The following FAM131C variants were observed in gnomAD, a reference collection of about 807,000 sequenced individuals.
The protein encoded by FAM131C is protein FAM131C.
In FAM131C, 14 loss-of-function variants were observed where a neutral mutation model predicts 29.8. That is an observed-to-expected ratio of 0.47 (90% CI 0.31 to 0.73). FAM131C has a LOEUF of 0.73. FAM131C is among the 30% of genes least tolerant of loss of function. The pLI, the probability that FAM131C is intolerant of heterozygous loss-of-function variation, is 0.05. For synonymous variants in FAM131C, 86 were observed against 157.8 expected (o/e 0.54, Z 3.41); for missense variants, 252 against 383.8 (o/e 0.66, Z 2.87).
chr1:16,071,959 C>T (rs2124137735), intron 1 of FAM131C, among the ~76,000 whole-genome samples: 1 of 152,314 alleles, frequency 6.6e-6, no homozygotes, highest in Admixed American at 6.5e-5. Context: ...ACTCAGATCC[C>T]CTCCACCTGG....
chr1:16,073,411 G>GC lies in FAM131C; in HGVS notation c.22+9dup. On this transcript the variant is annotated intron_variant, in intron 1 of 6. Coordinates refer to ENST00000375662, the MANE Select transcript of FAM131C (RefSeq NM_182623.3). ...ACCCGATCCCCCCGCCCCCGGCCGG[G>GC]CCCCCTCACCTCGCGACACGCAGGA... 8.3e-7 allele frequency: 1 copy of GC among 1,210,200 alleles called. No individual in the cohort carries two copies. 75.0% of individuals were successfully genotyped at this position (1,210,200 alleles called of 1,614,324 possible).
At position 16,062,191 on chromosome 1, in the gene FAM131C, C is replaced by T; in HGVS notation, c.176G>A (p.Arg59Lys). 6.2e-7 allele frequency: 1 copy of T among 1,610,330 alleles called. No homozygotes were observed. The highest frequency in any genetic ancestry group is 8.5e-7 in the Non-Finnish European group (1 of 1,178,812). ...GTAGCCGTTGGTGGTCTGGAAGCAC[C>T]TCTGGAGGAAGTGGCAGGAGGAGTG... ...QMDFCWDPWQ[R>K]CFQTTNGYLS... The change falls in exon 4 of 7, where the codon AGG (arginine) becomes AAG (lysine). Residue 59 changes from arginine (R) to lysine (K), a missense_variant and splice_region_variant. Arg to Lys is a conservative substitution (Grantham distance 26, BLOSUM62 2). Around this residue, in one of 6 missense-constraint regions of FAM131C, gnomAD observed 52 missense variants for 105.9 expected, o/e 0.49. Coordinates refer to ENST00000375662, the MANE Select transcript of FAM131C (RefSeq NM_182623.3).
At chr1:16,073,294 G>T (rs986205088) in intron 1 of FAM131C, 127 bp downstream of exon 1, 18 of 449,282 alleles carry the variant, frequency 4.0e-5, no homozygotes, top group Non-Finnish European at 5.6e-5. Flanking sequence ...AGGACGCCGC[G>T]TCCCCAGGGG....
At chr1:16,061,214 G>A (rs1190302700) in intron 4 of FAM131C, among the ~76,000 whole-genome samples, 1 of 152,194 alleles carries the variant, frequency 6.6e-6, no homozygotes, top group Admixed American at 6.5e-5. Context: ...AAGTTGGGGA[G>A]TGTTGGCAAT....
At chr1:16,067,661 C>T (rs2023698088) in intron 1 of FAM131C, among the ~76,000 whole-genome samples, 4 of 152,150 alleles carry the variant, frequency 2.6e-5, no homozygotes. Context: ...AGGGTGCTTC[C>T]TGCCTTCCTA....
intron 1 of FAM131C, among the ~76,000 whole-genome samples, chr1:16,071,300 T>C (rs2023746702): frequency 6.6e-6 from 1 of 152,200 alleles, no homozygotes; most frequent in Admixed American, 6.5e-5. Context: ...CAGCATGCCA[T>C]GGTTTAAATC....
chr1:16,063,412 G>T, intron 2 of FAM131C, 109 bp downstream of exon 2: 1 of 840,656 alleles, frequency 1.2e-6, no homozygotes. Context: ...AGGGAGAAGC[G>T]GGTTTGGCAG....
chr1:16,070,615 G>C (rs1029373883), intron 1 of FAM131C, among the ~76,000 whole-genome samples: 12 of 152,178 alleles, frequency 7.9e-5, no homozygotes, highest in Non-Finnish European at 1.8e-4. Context: ...AACATAGTGA[G>C]AGCCTGTCTC....
At chr1:16,059,459 G>A (rs1557477074) in intron 6 of FAM131C, 35 bp downstream of exon 6, 4 of 1,596,348 alleles carry the variant, frequency 2.5e-6, no homozygotes, top group Non-Finnish European at 3.4e-6. Context: ...GCTCCACTCT[G>A]CCCACCCCCG....
intron 1 of FAM131C, among the ~76,000 whole-genome samples, chr1:16,073,012 G>T (rs1302204792): frequency 1.3e-5 from 2 of 150,202 alleles, no homozygotes; most frequent in African/African-American, 4.9e-5. Context: ...GGGTGAGCTG[G>T]TAAGACCTGT....
At position 16,062,170 on chromosome 1, in the gene FAM131C, C is replaced by A; in HGVS notation, c.197G>T (p.Gly66Val). Residue 66 changes from glycine (G) to valine (V), a missense_variant, in exon 4 of 7, where the codon GGC becomes GTC. Around this residue, in one of 6 missense-constraint regions of FAM131C, gnomAD observed 52 missense variants for 105.9 expected, o/e 0.49. Transcript: ENST00000375662. ...PWQRCFQTTN[G>V]YLSDSRSRPG... Reference sequence around the variant, plus strand: ...GCGGGATCTGGAGTCGGACAGGTAGCCGTTGGTGGTCTGGAAGCACCTCTG... The same window carrying A: ...GCGGGATCTGGAGTCGGACAGGTAGACGTTGGTGGTCTGGAAGCACCTCTG... 6.2e-7 allele frequency: 1 copy of A among 1,611,720 alleles called. No homozygotes were observed. The highest frequency in any genetic ancestry group is 1.1e-5 in the South Asian group (1 of 90,920).
Position 16,058,026 on chromosome 1 carries a change from AG to A in FAM131C, c.*410del, listed in dbSNP as rs2023511044. On this transcript the variant is annotated 3_prime_UTR_variant, in exon 7 of 7. Coordinates refer to ENST00000375662, the MANE Select transcript of FAM131C (RefSeq NM_182623.3). The stretch of plus-strand genomic sequence containing the variant: ...GGGCAGACACAAGGAGGGAGTTGGG[AG>A]GGACTGAACCCCAGGTACAGGCAGG... 1 of 166,346 alleles carries A rather than the reference AG, an allele frequency of 6.0e-6. No individual in the cohort carries two copies. Among genetic ancestry groups the A allele is most frequent in the Admixed American group, 6.0e-5 (1 of 16,746 alleles). 10.3% of individuals were successfully genotyped at this position (166,346 alleles called of 1,614,324 possible).
In FAM131C at chr1:16,059,942, C is replaced by T; in HGVS notation, c.378G>A (p.Trp126Ter). 6.2e-7 allele frequency: 1 copy of T among 1,607,822 alleles called. No individual in the cohort carries two copies. Among genetic ancestry groups the T allele is most frequent in the South Asian group, 1.1e-5 (1 of 90,318 alleles). ...GCTCGTCCTCAGCTGGGGACAGCTC[C>T]CAGCCTGCCGGCTGGGCACTCCAGC... ...WKGWSAQPAGWELSPAEDEHY... is the reference protein window; with the variant it reads ...WKGWSAQPAG Residue 126 changes from tryptophan (W) to a stop codon, truncating the protein, a stop_gained, in exon 5 of 7, where the codon TGG becomes TGA. Transcript: ENST00000375662. LOFTEE classifies it high-confidence loss of function.
chr1:16,057,924 G>A lies in FAM131C; in HGVS notation c.*513C>T. On this transcript the variant is annotated 3_prime_UTR_variant, in exon 7 of 7. Coordinates refer to ENST00000375662, the MANE Select transcript of FAM131C (RefSeq NM_182623.3). ...GGGACAGACAGACAGACACTCCAGA[G>A]AGACAGATGTCCTGGGTGAAGAGAG... 1 of 158,194 alleles carries A rather than the reference G, an allele frequency of 6.3e-6. No individual in the cohort carries two copies. Among genetic ancestry groups the A allele is most frequent in the Non-Finnish European group, 1.4e-5 (1 of 71,666 alleles). The allele number at this position is 158,194 out of a possible 1,614,324, so 9.8% of individuals were successfully genotyped here. A position where few individuals can be genotyped will look rare whatever the true frequency, so the allele number is the denominator to read the frequency against.
At chr1:16,070,184 C>G (rs937471810) in intron 1 of FAM131C, among the ~76,000 whole-genome samples, 2 of 152,176 alleles carry the variant, frequency 1.3e-5, no homozygotes, top group African/African-American at 4.8e-5. Context: ...GGAAGACCCT[C>G]CCGTTCTCTG....
chr1:16,065,766 C>T (rs1344450334), intron 1 of FAM131C, among the ~76,000 whole-genome samples: 1 of 152,238 alleles, frequency 6.6e-6, no homozygotes, highest in African/African-American at 2.4e-5. Context: ...TGGCCTCCTC[C>T]ATCCTCCTCT....
At chr1:16,067,786 T>C (rs1456637701) in intron 1 of FAM131C, among the ~76,000 whole-genome samples, 1 of 152,128 alleles carries the variant, frequency 6.6e-6, no homozygotes, top group East Asian at 1.9e-4. Context: ...CTCTACTTGA[T>C]CCTTGGGTGA....
Position 16,059,519 on chromosome 1 carries a change from G to C in FAM131C, c.537C>G (p.Ser179Arg). The part of the protein sequence containing the change: ...LDEEELHPEN[S>R]PQGIVQLQDL... ...CTTGGAGCTGGACGATGCCTTGGGG[G>C]CTGTTCTCGGGGTGCAGCTCCTCTT... is the stretch of plus-strand genomic sequence containing the variant. Residue 179 changes from serine (S) to arginine (R), a missense_variant, in exon 6 of 7, where the codon AGC (serine) becomes AGG (arginine). By Grantham distance (110) the Ser-to-Arg change is moderately radical (BLOSUM62 -1). This residue lies in a region of FAM131C where 33 missense variants were observed against 54.0 expected (regional missense o/e 0.61). Coordinates refer to ENST00000375662, the MANE Select transcript of FAM131C (RefSeq NM_182623.3). The C allele has an allele frequency of 1.2e-6, 2 of 1,609,758 alleles. No individual in the cohort carries two copies. The highest frequency in any genetic ancestry group is 2.2e-5 in the East Asian group (1 of 44,704).
intron 1 of FAM131C, among the ~76,000 whole-genome samples, chr1:16,066,393 T>C (rs2023683963): frequency 6.6e-6 from 1 of 152,218 alleles, no homozygotes; most frequent in African/African-American, 2.4e-5. Flanking sequence ...CACGGGATCC[T>C]GTGGACTGAG....
Sources: allele counts gnomAD v4.1 joint callset (sites outside exome capture counted in the v4.1 genomes callset), GRCh38; gene constraint gnomAD v4.1.1; regional missense constraint gnomAD v4.1.1; transcripts MANE v1.5; gene names NCBI Gene and HGNC (gene_info 2026-07-23, HGNC 2026-07-21).